AGMO: variants seen among roughly 807,000 people sequenced by gnomAD.
AGMO encodes the protein alkylglycerol monooxygenase, also known as glyceryl-ether monooxygenase.
A neutral mutation model predicts 60.2 loss-of-function variants in AGMO; 75 were observed. The observed-to-expected ratio is 1.25, with a 90% CI of 1.03 to 1.51. The LOEUF is 1.51. AGMO is among the 40% of genes most tolerant of loss of function. The pLI is 0.00. For missense variants in AGMO, 763 were observed against 525.5 expected (o/e 1.45, Z -4.42); for synonymous variants, 261 against 177.1 (o/e 1.47, Z -3.76).
At chr7:15,139,351 G>A in the AGMO span, among the ~76,000 whole-genome samples, 67,962 of 151,922 alleles carry the variant, frequency 0.45, 15,562 homozygotes, top group East Asian at 0.66. Context: ...TGATTCTGAT[G>A]TTGTATTCTT....
At chr7:15,316,687 G>C (rs1196844910) in intron 12 of AGMO, among the ~76,000 whole-genome samples, 1 of 152,054 alleles carries the variant, frequency 6.6e-6, no homozygotes, top group Non-Finnish European at 1.5e-5. Context: ...TGTAAAATAA[G>C]TTAAATACTT....
At chr7:15,490,707 A>C (rs1420448954) in intron 3 of AGMO, among the ~76,000 whole-genome samples, 1 of 152,204 alleles carries the variant, frequency 6.6e-6, no homozygotes, top group Non-Finnish European at 1.5e-5. Flanking sequence ...TGCAGAGAGC[A>C]TAAGGAATTT....
intron 12 of AGMO, among the ~76,000 whole-genome samples, chr7:15,346,776 A>T (rs1288024945): frequency 6.6e-6 from 1 of 151,980 alleles, no homozygotes; most frequent in Non-Finnish European, 1.5e-5. Context: ...TGCAGAATAT[A>T]AGCAAAAAAA....
At chr7:15,127,176 T>C in the AGMO span, among the ~76,000 whole-genome samples, 1 of 152,060 alleles carries the variant, frequency 6.6e-6, no homozygotes, top group African/African-American at 2.4e-5. Flanking sequence ...CCTGACCACC[T>C]CGGGCACATG....
chr7:15,169,039 T>C, the AGMO span, among the ~76,000 whole-genome samples: 1 of 152,196 alleles, frequency 6.6e-6, no homozygotes, highest in Non-Finnish European at 1.5e-5. Context: ...TGTCTATTAT[T>C]GGTCCCAGGT....
chr7:15,479,534 T>G (rs750536012), intron 3 of AGMO, among the ~76,000 whole-genome samples: 3 of 152,142 alleles, frequency 2.0e-5, no homozygotes, highest in Non-Finnish European at 4.4e-5. Flanking sequence ...TTCCACAGTA[T>G]GTAAATCGTT....
intron 5 of AGMO, among the ~76,000 whole-genome samples, chr7:15,414,785 C>T (rs1780709661): frequency 6.6e-6 from 1 of 152,090 alleles, no homozygotes; most frequent in South Asian, 2.1e-4. Flanking sequence ...GAGGAACTGA[C>T]ATAAAGGGAA....
chr7:15,492,371 A>C (rs2128521277), intron 3 of AGMO, among the ~76,000 whole-genome samples: 1 of 151,866 alleles, frequency 6.6e-6, no homozygotes, highest in Admixed American at 6.6e-5. Flanking sequence ...AAAAAAAAAA[A>C]AAAAACATTA....
At chr7:15,479,848 G>C (rs1782703008) in intron 3 of AGMO, among the ~76,000 whole-genome samples, 2 of 152,092 alleles carry the variant, frequency 1.3e-5, no homozygotes. Context: ...GGTAGGAGTG[G>C]TGATGAGAGC....
At chr7:15,328,898 ACT>A (rs1781421974) in intron 12 of AGMO, among the ~76,000 whole-genome samples, 1 of 151,580 alleles carries the variant, frequency 6.6e-6, no homozygotes. Flanking sequence ...TCCTGAACAC[ACT>A]CATCTTTCCA....
chr7:15,386,886 G>A (rs112346298), intron 9 of AGMO, among the ~76,000 whole-genome samples: 2,729 of 151,976 alleles, frequency 0.018, 65 homozygotes, highest in African/African-American at 0.059. Context: ...TTTTATTTTT[G>A]GTTTTCAATG....
intron 12 of AGMO, among the ~76,000 whole-genome samples, chr7:15,332,531 G>T (rs1781530052): frequency 6.6e-6 from 1 of 151,888 alleles, no homozygotes; most frequent in Non-Finnish European, 1.5e-5. Context: ...CCCATCACTT[G>T]CCCAACATGG....
chr7:15,337,885 T>C (rs1202006013), intron 12 of AGMO, among the ~76,000 whole-genome samples: 6 of 152,188 alleles, frequency 3.9e-5, no homozygotes, highest in Non-Finnish European at 7.3e-5. Flanking sequence ...AGGAAGCTTC[T>C]CTCCAGTGGA....
intron 5 of AGMO, among the ~76,000 whole-genome samples, chr7:15,418,211 A>G (rs1207026955): frequency 6.6e-6 from 1 of 152,070 alleles, no homozygotes; most frequent in South Asian, 2.1e-4. Flanking sequence ...ATACACATAT[A>G]CATATGTTTA....
chr7:15,337,953 T>C (rs917611584), intron 12 of AGMO, among the ~76,000 whole-genome samples: 1 of 152,124 alleles, frequency 6.6e-6, no homozygotes, highest in Non-Finnish European at 1.5e-5. Context: ...GCAAACATAA[T>C]AGGTGATCTG....
intron 3 of AGMO, among the ~76,000 whole-genome samples, chr7:15,457,236 G>C (rs1782021292): frequency 6.6e-6 from 1 of 152,054 alleles, no homozygotes; most frequent in Non-Finnish European, 1.5e-5. Flanking sequence ...TTTTCTAAAA[G>C]TCTACTGTAA....
intron 12 of AGMO, among the ~76,000 whole-genome samples, chr7:15,291,174 C>T (rs1784253214): frequency 1.3e-5 from 2 of 152,046 alleles, no homozygotes; most frequent in Non-Finnish European, 2.9e-5. Context: ...GGCATGTAAA[C>T]TTTTAATTTA....
intron 12 of AGMO, among the ~76,000 whole-genome samples, chr7:15,291,403 TC>T (rs1784258499): frequency 6.6e-6 from 1 of 152,210 alleles, no homozygotes; most frequent in South Asian, 2.1e-4. Flanking sequence ...TTTCTTCAGC[TC>T]TATTGTATTT....
At chr7:15,351,187 G>A (rs1458992710) in intron 12 of AGMO, among the ~76,000 whole-genome samples, 2 of 152,114 alleles carry the variant, frequency 1.3e-5, no homozygotes, top group Non-Finnish European at 2.9e-5. Context: ...ATGGGCAAAT[G>A]TCTGCATAAT....
Sources: allele counts gnomAD v4.1 joint callset (sites outside exome capture counted in the v4.1 genomes callset), GRCh38; gene constraint gnomAD v4.1.1; transcripts MANE v1.5; gene names NCBI Gene and HGNC (gene_info 2026-07-23, HGNC 2026-07-21).